Variants in ABCA13 observed in about 807,000 individuals in gnomAD.
The protein encoded by ABCA13 is ATP-binding cassette sub-family A member 13.
A neutral mutation model predicts 478.7 loss-of-function variants in ABCA13; 476 were observed. The observed-to-expected ratio is 0.99, with a 90% CI of 0.92 to 1.07. The LOEUF (loss-of-function observed/expected upper bound fraction) is 1.07. ABCA13 is among the 50% of genes least tolerant of loss of function. ABCA13 has a pLI of 0.00. For missense variants in ABCA13, 6,060 were observed against 5,910.6 expected (o/e 1.03, Z -0.83); for synonymous variants, 2,252 against 2,158.9 (o/e 1.04, Z -1.20).
At chr7:48,298,342 T>C (rs1227867501) in intron 22 of ABCA13, 24 bp from the exon 23 acceptor site, 2 of 1,588,064 alleles carry the variant, frequency 1.3e-6, no homozygotes, top group Admixed American at 1.8e-5. Context: ...ATTACACAAA[T>C]TTCTTATTTT....
intron 1 of ABCA13, among the ~76,000 whole-genome samples, chr7:48,173,581 T>A (rs774526432): frequency 8.5e-5 from 13 of 152,340 alleles, no homozygotes; most frequent in South Asian, 6.2e-4. Flanking sequence ...TTGGGATATA[T>A]CCTATAGATG....
intron 42 of ABCA13, among the ~76,000 whole-genome samples, chr7:48,430,394 TG>T (rs1446301147): frequency 6.6e-6 from 1 of 152,104 alleles, no homozygotes; most frequent in East Asian, 1.9e-4. Flanking sequence ...TAGTGATGTT[TG>T]TCAGGCGTGG....
intron 39 of ABCA13, among the ~76,000 whole-genome samples, chr7:48,409,485 C>A (rs975223986): frequency 1.3e-5 from 2 of 152,136 alleles, no homozygotes; most frequent in Admixed American, 1.3e-4. Flanking sequence ...ACACCCAAGT[C>A]CCCCTCCACC....
chr7:48,193,149 T>TTTA, intron 2 of ABCA13, 97 bp downstream of exon 2: 2 of 838,330 alleles, frequency 2.4e-6, no homozygotes, highest in Non-Finnish European at 3.7e-6. Context: ...GAATGCTGAG[T>TTTA]GAAATGAATA....
In ABCA13 at chr7:48,258,627, G is replaced by T. The variant is rs537297990; in HGVS notation, c.2005+9276G>T. On this transcript the variant is annotated intron_variant, in intron 15 of 61. Coordinates refer to ENST00000435803, the MANE Select transcript of ABCA13 (RefSeq NM_152701.5). ...TGAATTTGGTTATTTCTTGTTTTCT[G>T]CTAGCTTGCTTGCAGAAACCATGTG... Among the ~76,000 whole-genome samples the T allele has an allele frequency of 1.4e-4, 21 of 152,018 alleles. No individual in the cohort carries two copies. In the South Asian group the frequency reaches 4.4e-3, roughly 32 times the overall value.
intron 10 of ABCA13, among the ~76,000 whole-genome samples, chr7:48,243,565 T>G (rs942688677): frequency 1.3e-5 from 2 of 152,238 alleles, no homozygotes; most frequent in African/African-American, 2.4e-5. Flanking sequence ...CAGTTCCTGC[T>G]GGTGTCTTGT....
chr7:48,314,784 G>A (rs17132224), intron 26 of ABCA13, among the ~76,000 whole-genome samples: 9,492 of 152,136 alleles, frequency 0.062, 812 homozygotes, highest in African/African-American at 0.19. Flanking sequence ...ACTTGTCTGT[G>A]GCCACCTCCA....
intron 42 of ABCA13, among the ~76,000 whole-genome samples, chr7:48,439,374 A>T (rs962669701): frequency 6.6e-6 from 1 of 152,140 alleles, no homozygotes; most frequent in African/African-American, 2.4e-5. Context: ...TGTTTACAAG[A>T]ATCTAATAAT....
chr7:48,603,677 G>A lies in ABCA13; in HGVS notation c.14744+8864G>A, dbSNP rs142749010. 579 of 194,922 alleles carry A rather than the reference G, an allele frequency of 3.0e-3. 1 individual carries two copies. The highest frequency in any genetic ancestry group is 4.8e-3 in the Non-Finnish European group (460 of 95,252). The allele number at this position is 194,922 out of a possible 1,614,324, so 12.1% of individuals were successfully genotyped here. ...CGCATCAATGTTTATCAGGGATATT[G>A]GCCTAAAATTTTCTTTTTTTGTTCT... On this transcript the variant is annotated intron_variant, in intron 58 of 61. Coordinates refer to ENST00000435803, the MANE Select transcript of ABCA13 (RefSeq NM_152701.5).
intron 26 of ABCA13, 85 bp from the exon 27 acceptor site, chr7:48,317,072 C>A: frequency 1.4e-6 from 2 of 1,459,090 alleles, no homozygotes; most frequent in South Asian, 1.3e-5. Flanking sequence ...GAAAATGAGG[C>A]ATCCTGGATA....
At position 48,593,506 on chromosome 7, in the gene ABCA13, T is replaced by C. The variant is rs569206106; in HGVS notation, c.14641-1204T>C. Among the ~76,000 whole-genome samples, 262 of 152,158 alleles carry C rather than the reference T, an allele frequency of 1.7e-3. 1 individual carries two copies. Among genetic ancestry groups the C allele is most frequent in the African/African-American group, 6.1e-3 (254 of 41,566 alleles). On this transcript the variant is annotated intron_variant, in intron 57 of 61. Coordinates refer to ENST00000435803, the MANE Select transcript of ABCA13 (RefSeq NM_152701.5). ...ATAGCTATAGTTATTTTTAATACTT[T>C]GTGTTTTAATCTGAATATTACCATT...
intron 56 of ABCA13, among the ~76,000 whole-genome samples, chr7:48,581,360 T>C (rs1788690356): frequency 6.6e-6 from 1 of 152,216 alleles, no homozygotes; most frequent in Admixed American, 6.5e-5. Flanking sequence ...ACAGAATGTC[T>C]GCACCTCATT....
At chr7:48,468,307 G>T (rs897352308) in intron 44 of ABCA13, among the ~76,000 whole-genome samples, 1 of 152,118 alleles carries the variant, frequency 6.6e-6, no homozygotes, top group Non-Finnish European at 1.5e-5. Flanking sequence ...TGTTCCATGA[G>T]CTCCTGCCCT....
rs1229787998 is a variant in ABCA13, at chr7:48,347,466, A to C, written c.10205-3177A>C. ...AGGCACCGTCAGCACAGTATGCTGG[A>C]GTCACCAGCCAAGGGCTGGTTCAGA... On this transcript the variant is annotated intron_variant, in intron 29 of 61. Coordinates refer to ENST00000435803, the MANE Select transcript of ABCA13 (RefSeq NM_152701.5). Among the ~76,000 whole-genome samples the C allele has an allele frequency of 1.3e-4, 20 of 152,334 alleles. 1 individual carries two copies. Among genetic ancestry groups the C allele is most frequent in the Admixed American group, 1.2e-3 (19 of 15,308 alleles).
chr7:48,268,678 C>T (rs1385200774), intron 15 of ABCA13, among the ~76,000 whole-genome samples: 1 of 152,064 alleles, frequency 6.6e-6, no homozygotes, highest in Admixed American at 6.5e-5. Context: ...TGCAGTCTCT[C>T]CTTCCTGTGC....
intron 59 of ABCA13, among the ~76,000 whole-genome samples, chr7:48,636,367 G>A (rs1794637727): frequency 6.6e-6 from 1 of 152,180 alleles, no homozygotes; most frequent in African/African-American, 2.4e-5. Flanking sequence ...TGTAATTAGT[G>A]TTTGAAAGGA....
intron 6 of ABCA13, among the ~76,000 whole-genome samples, chr7:48,228,599 G>T (rs1168694237): frequency 1.3e-5 from 2 of 152,230 alleles, no homozygotes; most frequent in Non-Finnish European, 2.9e-5. Context: ...GGGAGGAGTG[G>T]ACTGAAGGTT....
intron 15 of ABCA13, among the ~76,000 whole-genome samples, chr7:48,252,364 A>G (rs551170357): frequency 4.6e-5 from 7 of 152,122 alleles, no homozygotes; most frequent in Non-Finnish European, 1.0e-4. Flanking sequence ...AATAATGTGG[A>G]TGCGTTCTGA....
At position 48,410,362 on chromosome 7, in the gene ABCA13, T is replaced by C. The variant is rs570593868; in HGVS notation, c.12071-158T>C. The stretch of plus-strand genomic sequence containing the variant: ...GAGGAAAGAGTTTCAGGGCCTCGAA[T>C]TGGCAAAGTGGCCAGGACGCATTTC... On this transcript the variant is annotated intron_variant, in intron 39 of 61. Transcript: ENST00000435803. Among the ~76,000 whole-genome samples, 4 of 152,194 alleles carry C rather than the reference T, an allele frequency of 2.6e-5. No homozygotes were observed. In the East Asian group the frequency reaches 7.8e-4, roughly 30 times the overall value.
Sources: allele counts gnomAD v4.1 joint callset (sites outside exome capture counted in the v4.1 genomes callset), GRCh38; gene constraint gnomAD v4.1.1; transcripts MANE v1.5; gene names NCBI Gene and HGNC (gene_info 2026-07-23, HGNC 2026-07-21).